Variants in CAMTA1 observed in about 807,000 individuals in gnomAD.
CAMTA1 encodes the protein calmodulin binding transcription activator 1.
Under a neutral mutation model 170.9 loss-of-function variants are expected in CAMTA1, and 27 were observed. The observed-to-expected ratio is 0.16, with a 90% CI of 0.12 to 0.22. CAMTA1 has a LOEUF of 0.22. CAMTA1 is among the 10% of genes least tolerant of loss of function. CAMTA1 has a pLI of 1.00. For synonymous variants in CAMTA1, 833 were observed against 891.5 expected (o/e 0.93, Z 1.17); for missense variants, 1,619 against 2,217.2 (o/e 0.73, Z 5.42).
In CAMTA1 at chr1:7,664,308, C is replaced by T. The variant is rs369901419; in HGVS notation, c.1761C>T (p.Ser587=). Residue 587 remains serine, a synonymous_variant, in exon 9 of 23, where the codon AGC becomes AGT. Coordinates refer to ENST00000303635, the MANE Select transcript of CAMTA1 (RefSeq NM_015215.4). ...PSTTLEQMDF[S]AIDSNKDYTS... is the part of the protein sequence containing the mutation. ...CCACCCTGGAGCAGATGGACTTCAG[C>T]GCCATCGACTCCAACAAGGACTACA... is the stretch of plus-strand genomic sequence containing the variant. 39 of 1,613,202 alleles carry T rather than the reference C, an allele frequency of 2.4e-5. No individual in the cohort carries two copies. Among genetic ancestry groups the T allele is most frequent in the African/African-American group, 2.3e-4 (17 of 75,052 alleles).
In CAMTA1 at chr1:7,044,688, T is replaced by C. The variant is rs1323761285; in HGVS notation, c.235-46616T>C. Among the ~76,000 whole-genome samples, 1 of 149,086 alleles carries C rather than the reference T, an allele frequency of 6.7e-6. No individual in the cohort carries two copies. Among genetic ancestry groups the C allele is most frequent in the Non-Finnish European group, 1.5e-5 (1 of 67,728 alleles). The stretch of plus-strand genomic sequence containing the variant: ...AGACAGGAAGCCTGTCCCTCCCCTC[T>C]CTGGGCGACCTTCCGAGGAGGCATC... On this transcript the variant is annotated intron_variant, in intron 3 of 22. Transcript: ENST00000303635. The surrounding 1 kb of genome is among the most constrained non-coding windows in gnomAD (Gnocchi z 5.0).
intron 6 of CAMTA1, among the ~76,000 whole-genome samples, chr1:7,639,345 C>G (rs1041244163): frequency 6.6e-6 from 1 of 152,120 alleles, no homozygotes; most frequent in South Asian, 2.1e-4. Flanking sequence ...CAGCTGGTGC[C>G]CAGAAGTTTG....
intron 3 of CAMTA1, among the ~76,000 whole-genome samples, chr1:6,989,194 A>G (rs1695903038): frequency 6.6e-6 from 1 of 152,098 alleles, no homozygotes; most frequent in South Asian, 2.1e-4. Flanking sequence ...TTCCAAGGAG[A>G]CAGTTCCATG....
At position 7,177,615 on chromosome 1, in the gene CAMTA1, A is replaced by G. The variant is rs545288925; in HGVS notation, c.303-71876A>G. Reference sequence around the variant, plus strand: ...ACCGAGGCCCCTCCCATACACTGAGACTCCTCCCACACACTGAAGCCCCTC... The same window carrying G: ...ACCGAGGCCCCTCCCATACACTGAGGCTCCTCCCACACACTGAAGCCCCTC... On this transcript the variant is annotated intron_variant, in intron 4 of 22. Transcript: ENST00000303635. Among the ~76,000 whole-genome samples, 14 of 119,650 alleles carry G rather than the reference A, an allele frequency of 1.2e-4. No homozygotes were observed. In the East Asian group the frequency reaches 1.7e-3, roughly 14 times the overall value. 78.5% of individuals were successfully genotyped at this position (119,650 alleles called of 152,430 possible). A position where few individuals can be genotyped will look rare whatever the true frequency, so the allele number is the denominator to read the frequency against.
intron 3 of CAMTA1, among the ~76,000 whole-genome samples, chr1:7,051,533 A>G (rs972507918): frequency 5.3e-5 from 8 of 152,178 alleles, no homozygotes; most frequent in African/African-American, 1.7e-4. Context: ...GGGGTCTTCC[A>G]GTGGGTCCTG....
chr1:7,103,742 ACAC>A (rs1435964359), intron 4 of CAMTA1, among the ~76,000 whole-genome samples: 1 of 151,916 alleles, frequency 6.6e-6, no homozygotes, highest in Non-Finnish European at 1.5e-5. Context: ...ACACATGTAC[ACAC>A]AATACATTAC....
chr1:7,335,139 TGGGG>T (rs1557537211), intron 5 of CAMTA1, among the ~76,000 whole-genome samples: 27 of 54,834 alleles, frequency 4.9e-4, no homozygotes, highest in African/African-American at 9.7e-4. Context: ...TGTGTGTGTG[TGGGG>T]GGGGGGGGGG....
chr1:7,601,225 G>A (rs1268876166), intron 6 of CAMTA1, among the ~76,000 whole-genome samples: 7 of 151,664 alleles, frequency 4.6e-5, no homozygotes, highest in African/African-American at 9.7e-5. Context: ...CTTCCCAGAC[G>A]GGGTGGCTGC....
chr1:7,420,582 G>A (rs1055687787), intron 5 of CAMTA1, among the ~76,000 whole-genome samples: 22 of 150,384 alleles, frequency 1.5e-4, no homozygotes, highest in African/African-American at 4.4e-4. Context: ...TTCCCACCGA[G>A]CCCCCACCAG....
chr1:7,128,659 A>ATT (rs753333323), intron 4 of CAMTA1, among the ~76,000 whole-genome samples: 20 of 140,464 alleles, frequency 1.4e-4, no homozygotes, highest in African/African-American at 1.8e-4. Context: ...GATTAGCCCT[A>ATT]TTTTTTTTTT....
At chr1:7,350,024 A>G (rs1248413857) in intron 5 of CAMTA1, among the ~76,000 whole-genome samples, 1 of 152,078 alleles carries the variant, frequency 6.6e-6, no homozygotes, top group Non-Finnish European at 1.5e-5. Context: ...ATCTTTGTCT[A>G]AAGGTGCCCT....
intron 1 of CAMTA1, among the ~76,000 whole-genome samples, chr1:6,810,492 C>CG (rs1557600521): frequency 1.6e-4 from 24 of 152,110 alleles, no homozygotes. Context: ...GCCCACACTC[C>CG]GGGGGAGGGG....
intron 5 of CAMTA1, among the ~76,000 whole-genome samples, chr1:7,436,482 C>G (rs2092351530): frequency 6.6e-6 from 1 of 152,196 alleles, no homozygotes; most frequent in South Asian, 2.1e-4. Flanking sequence ...GCATCTAAAG[C>G]TCTGTCTTGT....
chr1:7,705,106 G>A (rs1429413198), intron 11 of CAMTA1, among the ~76,000 whole-genome samples: 3 of 151,454 alleles, frequency 2.0e-5, no homozygotes, highest in Admixed American at 6.6e-5. Context: ...TTTACGCGCG[G>A]CAGGGAGGGG....
rs561402865 is a variant in CAMTA1, at chr1:7,293,572, A to G, written c.438+43946A>G. On this transcript the variant is annotated intron_variant, in intron 5 of 22. Coordinates refer to ENST00000303635, the MANE Select transcript of CAMTA1 (RefSeq NM_015215.4). This position sits in a 1 kb window ranked among gnomAD's most constrained non-coding sequence, Gnocchi z 4.1. ...TCCACTGGGAAATGTATTTATCACT[A>G]CAGTTTGTATAATTTGGTGGTCTGT... is the stretch of plus-strand genomic sequence containing the variant. 6.6e-6 allele frequency among the ~76,000 whole-genome samples: 1 copy of G among 152,284 alleles called. No homozygotes were observed. The highest frequency in any genetic ancestry group is 6.5e-5 in the Admixed American group (1 of 15,304).
intron 5 of CAMTA1, among the ~76,000 whole-genome samples, chr1:7,440,490 G>T (rs924648639): frequency 1.3e-5 from 2 of 152,250 alleles, no homozygotes; most frequent in African/African-American, 4.8e-5. Context: ...TGATTGCGTC[G>T]TTCAGAGTGA....
intron 3 of CAMTA1, among the ~76,000 whole-genome samples, chr1:7,046,961 G>A (rs937128372): frequency 2.6e-5 from 4 of 152,180 alleles, no homozygotes; most frequent in Non-Finnish European, 5.9e-5. Flanking sequence ...TTCCTCCTGG[G>A]TGCCCATGGT....
chr1:7,199,426 A>C (rs74051182), intron 4 of CAMTA1, among the ~76,000 whole-genome samples: 3,549 of 152,344 alleles, frequency 0.023, 120 homozygotes, highest in African/African-American at 0.081. Context: ...CCCTTCTGCA[A>C]GGAGCTGTGG....
intron 5 of CAMTA1, among the ~76,000 whole-genome samples, chr1:7,423,246 G>A (rs905826385): frequency 1.3e-5 from 2 of 152,150 alleles, no homozygotes; most frequent in Non-Finnish European, 2.9e-5. Flanking sequence ...CGAGGCAGGT[G>A]GATCACCAGA....
Sources: allele counts gnomAD v4.1 joint callset (sites outside exome capture counted in the v4.1 genomes callset), GRCh38; gene constraint gnomAD v4.1.1; non-coding constraint Gnocchi (gnomAD v3.1); transcripts MANE v1.5; gene names NCBI Gene and HGNC (gene_info 2026-07-23, HGNC 2026-07-21).